TMEM255B: variants seen among roughly 807,000 people sequenced by gnomAD.
TMEM255B encodes the protein family with sequence similarity 70, member B.
Under a neutral mutation model 34.5 loss-of-function variants are expected in TMEM255B, and 35 were observed. That is an observed-to-expected ratio of 1.01 (90% CI 0.77 to 1.34). The LOEUF (loss-of-function observed/expected upper bound fraction) is 1.34. TMEM255B is among the 40% of genes most tolerant of loss of function. The pLI is 0.00. For missense variants in TMEM255B, 432 were observed against 433.2 expected (o/e 1.00, Z 0.02); for synonymous variants, 206 against 201.2 (o/e 1.02, Z -0.20).
Position 113,766,271 on chromosome 13 carries a change from G to A in TMEM255B, c.189+14G>A, listed in dbSNP as rs2050387695. The A allele has an allele frequency of 6.8e-6, 11 of 1,613,586 alleles. No individual in the cohort carries two copies. The highest frequency in any genetic ancestry group is 1.6e-4 in the Middle Eastern group (1 of 6,080). ...CCAGGGATCATTGTGAGTGCGCCGGGCGGGCGGCCTGGGCCGGGGAGGGCA... is the reference window on the plus strand; with the variant it reads ...CCAGGGATCATTGTGAGTGCGCCGGACGGGCGGCCTGGGCCGGGGAGGGCA... On this transcript the variant is annotated intron_variant, in intron 2 of 8. Transcript: ENST00000375353.
intron 2 of TMEM255B, 85 bp downstream of exon 2, chr13:113,766,342 G>C (rs2050389933): frequency 1.3e-6 from 2 of 1,589,754 alleles, no homozygotes; most frequent in East Asian, 4.5e-5. Flanking sequence ...CCAGCTCACA[G>C]GGCTGGGGCT....
chr13:113,784,422 C>A (rs1462841355), intron 3 of TMEM255B, among the ~76,000 whole-genome samples: 2 of 152,052 alleles, frequency 1.3e-5, no homozygotes, highest in African/African-American at 4.8e-5. Context: ...GCAGATCTTA[C>A]CAGTCAGCTG....
chr13:113,776,848 G>A (rs906257177), intron 3 of TMEM255B, among the ~76,000 whole-genome samples: 2 of 152,116 alleles, frequency 1.3e-5, no homozygotes, highest in African/African-American at 2.4e-5. Flanking sequence ...GCTCCTCCTC[G>A]TTCTGCAGCA....
At chr13:113,778,723 G>T (rs1387948158) in intron 3 of TMEM255B, among the ~76,000 whole-genome samples, 3 of 152,066 alleles carry the variant, frequency 2.0e-5, no homozygotes, top group African/African-American at 7.2e-5. Flanking sequence ...ATCACCTGTG[G>T]TACTGTGGCA....
intron 8 of TMEM255B, among the ~76,000 whole-genome samples, chr13:113,811,502 T>C (rs1420543932): frequency 7.4e-6 from 1 of 135,420 alleles, no homozygotes; most frequent in African/African-American, 2.9e-5. Flanking sequence ...CCCGTGTGAA[T>C]AGCCCTGGGT....
rs531363575 is a variant in TMEM255B, at chr13:113,761,242, G to A, written c.46+1927G>A. The A allele has an allele frequency of 1.5e-4, 148 of 985,344 alleles. No individual in the cohort carries two copies. In the African/African-American group the frequency reaches 2.4e-3, roughly 16 times the overall value. 61.0% of individuals were successfully genotyped at this position (985,344 alleles called of 1,614,324 possible). A position where few individuals can be genotyped will look rare whatever the true frequency, so the allele number is the denominator to read the frequency against. On this transcript the variant is annotated intron_variant, in intron 1 of 8. Coordinates refer to ENST00000375353, the MANE Select transcript of TMEM255B (RefSeq NM_182614.4). The stretch of plus-strand genomic sequence containing the variant: ...GGATCTTAGAACCCTTCCAAGCAGT[G>A]CCACCTCCCATGCTTTGTGACATTC...
At chr13:113,763,347 C>T (rs577905448) in intron 1 of TMEM255B, among the ~76,000 whole-genome samples, 8 of 152,270 alleles carry the variant, frequency 5.3e-5, no homozygotes, top group Non-Finnish European at 8.8e-5. Flanking sequence ...CTTTCTAAAA[C>T]GAATCAACCA....
chr13:113,763,552 TTACTA>T (rs2050341543), intron 1 of TMEM255B, among the ~76,000 whole-genome samples: 1 of 152,140 alleles, frequency 6.6e-6, no homozygotes, highest in South Asian at 2.1e-4. Context: ...AGTGAAAAAA[TTACTA>T]TAAAGCATTG....
intron 7 of TMEM255B, among the ~76,000 whole-genome samples, chr13:113,802,639 C>T (rs992702088): frequency 1.7e-5 from 2 of 118,726 alleles, no homozygotes; most frequent in African/African-American, 2.9e-5. Context: ...ATGCCCTATT[C>T]GTCCCAGAGG....
intron 6 of TMEM255B, 142 bp from the exon 7 acceptor site, chr13:113,801,511 C>A: frequency 1.1e-6 from 1 of 933,668 alleles, no homozygotes; most frequent in Non-Finnish European, 1.5e-6. Flanking sequence ...TCTCCCAGAG[C>A]AGTGCAGGGA....
chr13:113,777,052 C>T (rs977338508), intron 3 of TMEM255B, among the ~76,000 whole-genome samples: 3 of 152,078 alleles, frequency 2.0e-5, no homozygotes, highest in Non-Finnish European at 4.4e-5. Flanking sequence ...GCATCCACAT[C>T]TGCTTGTTTG....
At chr13:113,786,582 TCAC>T (rs1438413421) in intron 3 of TMEM255B, among the ~76,000 whole-genome samples, 1 of 151,744 alleles carries the variant, frequency 6.6e-6, no homozygotes, top group Non-Finnish European at 1.5e-5. Context: ...ACCATCATCA[TCAC>T]CATCATCACT....
At chr13:113,799,477 C>A in intron 5 of TMEM255B, 58 bp downstream of exon 5, 6 of 1,548,522 alleles carry the variant, frequency 3.9e-6, no homozygotes, top group East Asian at 2.3e-5. Context: ...GCCGACCCCA[C>A]GCGGTTTTCC....
Position 113,812,982 on chromosome 13 carries a change from T to TGGGTCACAGGTCCCGGGTGGGTCACGGGC in TMEM255B, c.*1079_*1080insGGGTCACAGGTCCCGGGTGGGTCACGGGC, listed in dbSNP as rs1566342299. 9.0e-6 allele frequency: 1 copy of TGGGTCACAGGTCCCGGGTGGGTCACGGGC among 110,700 alleles called. No individual in the cohort carries two copies. Among genetic ancestry groups the TGGGTCACAGGTCCCGGGTGGGTCACGGGC allele is most frequent in the African/African-American group, 4.5e-5 (1 of 22,342 alleles). 6.9% of individuals were successfully genotyped at this position (110,700 alleles called of 1,614,324 possible). A position where few individuals can be genotyped will look rare whatever the true frequency, so the allele number is the denominator to read the frequency against. On this transcript the variant is annotated 3_prime_UTR_variant, in exon 9 of 9. Transcript: ENST00000375353. ...TCACGGGCCCCGGGTGGGTCACGGG[T>TGGGTCACAGGTCCCGGGTGGGTCACGGGC]CCCGGGTGGGTCACGGGTCCCGAGT...
At chr13:113,783,161 G>C (rs2050691194) in intron 3 of TMEM255B, among the ~76,000 whole-genome samples, 1 of 152,120 alleles carries the variant, frequency 6.6e-6, no homozygotes, top group South Asian at 2.1e-4. Flanking sequence ...CTTCAGTGAG[G>C]TGTGGTAAGA....
chr13:113,765,425 C>T (rs755785260), intron 1 of TMEM255B, among the ~76,000 whole-genome samples: 24 of 152,230 alleles, frequency 1.6e-4, no homozygotes, highest in Admixed American at 2.6e-4. Flanking sequence ...TCTGCACGGC[C>T]GTCATCGCTG....
chr13:113,764,592 T>C (rs1459037722), intron 1 of TMEM255B, among the ~76,000 whole-genome samples: 2 of 152,228 alleles, frequency 1.3e-5, no homozygotes, highest in Non-Finnish European at 2.9e-5. Context: ...CGGAGCGCCC[T>C]GTCCCCAGCC....
At chr13:113,766,852 C>T (rs28576462) in intron 2 of TMEM255B, among the ~76,000 whole-genome samples, 1,654 of 152,298 alleles carry the variant, frequency 0.011, 26 homozygotes, top group African/African-American at 0.038. Context: ...AGTAAGGCGG[C>T]GAGGTAAATT....
Position 113,801,010 on chromosome 13 carries a change from G to A in TMEM255B, c.509+98G>A, listed in dbSNP as rs907912669. Reference sequence around the variant, plus strand: ...CCTGCGGGAGGTGAGGGGCGCTGGGGACCCCTATATCTACACCTGAGGGAG... The same window carrying A: ...CCTGCGGGAGGTGAGGGGCGCTGGGAACCCCTATATCTACACCTGAGGGAG... On this transcript the variant is annotated intron_variant, in intron 6 of 8. Coordinates refer to ENST00000375353, the MANE Select transcript of TMEM255B (RefSeq NM_182614.4). 27 of 1,139,504 alleles carry A rather than the reference G, an allele frequency of 2.4e-5. No homozygotes were observed. The African/African-American group carries it at 3.8e-4, about 16-fold the overall frequency. 70.6% of individuals were successfully genotyped at this position (1,139,504 alleles called of 1,614,324 possible).
Sources: gnomAD v4.1 joint callset for allele counts (sites outside exome capture counted in the v4.1 genomes callset) on GRCh38, gnomAD v4.1.1 for gene constraint, MANE v1.5 for transcripts, NCBI Gene and HGNC (gene_info 2026-07-23, HGNC 2026-07-21) for gene names.